LRRC36: variants seen among roughly 807,000 people sequenced by gnomAD.
LRRC36 encodes leucine-rich repeat-containing protein 36.
Under a neutral mutation model 81.1 loss-of-function variants are expected in LRRC36, and 62 were observed. That is an observed-to-expected ratio of 0.76 (90% CI 0.62 to 0.94). The LOEUF (loss-of-function observed/expected upper bound fraction) is 0.94, where lower values mean the gene tolerates loss of function less well. Among genes scored for constraint, LRRC36 ranks in the 40% least tolerant of loss-of-function variants. The probability of loss-of-function intolerance (pLI) is 0.00; values close to 1 mark genes in which losing one functional copy is unlikely to be tolerated. For synonymous variants in LRRC36, 334 were observed against 348.6 expected (o/e 0.96, Z 0.47); for missense variants, 761 against 881.7 (o/e 0.86, Z 1.73).
intron 5 of LRRC36, among the ~76,000 whole-genome samples, chr16:67,351,434 T>C (rs2038628129): frequency 6.6e-6 from 1 of 152,050 alleles, no homozygotes; most frequent in Non-Finnish European, 1.5e-5. Context: ...GGGCCGGGCA[T>C]GGTGGCTCAC....
intron 1 of LRRC36, among the ~76,000 whole-genome samples, chr16:67,338,865 ATTTTTTTTTTTT>A (rs71145967): frequency 1.8e-3 from 81 of 45,364 alleles, no homozygotes; most frequent in Non-Finnish European, 2.7e-3. Context: ...TGGAAGCTGA[ATTTTTTTTTTTT>A]TTTTTTTTTT....
At chr16:67,369,236 C>A (rs548970158) in intron 8 of LRRC36, among the ~76,000 whole-genome samples, 2 of 152,022 alleles carry the variant, frequency 1.3e-5, no homozygotes, top group Admixed American at 6.6e-5. Context: ...AGCCCTCCAA[C>A]AATTAGAAGT....
intron 6 of LRRC36, among the ~76,000 whole-genome samples, chr16:67,364,279 A>T (rs937920514): frequency 3.3e-5 from 5 of 152,250 alleles, no homozygotes; most frequent in African/African-American, 1.2e-4. Flanking sequence ...GACAGAAGGG[A>T]TGCAACCATT....
rs1165368416 is a variant in LRRC36, at chr16:67,379,514, C to G, written c.1930+802C>G. ...GGCGGATCACTTGAGCTCAGGAGTT[C>G]AAGACCAGCCTGGCCAACATGGTGA... On this transcript the variant is annotated intron_variant, in intron 12 of 13. Transcript: ENST00000329956. Among the ~76,000 whole-genome samples, 5 of 152,242 alleles carry G rather than the reference C, an allele frequency of 3.3e-5. No individual in the cohort carries two copies. In the East Asian group the frequency reaches 9.7e-4, roughly 29 times the overall value.
intron 9 of LRRC36, 108 bp from the exon 10 acceptor site, chr16:67,375,139 A>T (rs545937024): frequency 5.4e-4 from 244 of 448,838 alleles, no homozygotes; most frequent in South Asian, 7.7e-4. Context: ...AAAAAAAATT[A>T]AAAAAAAAAA....
At chr16:67,379,576 G>A (rs1053023195) in intron 12 of LRRC36, among the ~76,000 whole-genome samples, 6 of 152,068 alleles carry the variant, frequency 3.9e-5, no homozygotes, top group Admixed American at 6.6e-5. Flanking sequence ...AATTAGCTGC[G>A]CGTGGTGGCA....
chr16:67,363,413 G>A (rs1338281020), intron 5 of LRRC36, among the ~76,000 whole-genome samples, 177 bp from the exon 6 acceptor site: 2 of 152,160 alleles, frequency 1.3e-5, no homozygotes, highest in African/African-American at 4.8e-5. Context: ...TTTTCCAAAC[G>A]AAGTGAGAGA....
At chr16:67,377,542 A>C (rs2039949044) in intron 11 of LRRC36, among the ~76,000 whole-genome samples, 1 of 148,540 alleles carries the variant, frequency 6.7e-6, no homozygotes, top group South Asian at 2.1e-4. Flanking sequence ...ATGTTGGCCG[A>C]GGTGGTCTCA....
chr16:67,368,659 T>A (rs1235036654), intron 8 of LRRC36, among the ~76,000 whole-genome samples: 1 of 152,208 alleles, frequency 6.6e-6, no homozygotes, highest in East Asian at 1.9e-4. Flanking sequence ...AAGGGAGTGA[T>A]GTGATCTCAC....
At chr16:67,381,444 G>A (rs1299244510) in intron 12 of LRRC36, among the ~76,000 whole-genome samples, 2 of 152,052 alleles carry the variant, frequency 1.3e-5, no homozygotes, top group Non-Finnish European at 2.9e-5. Flanking sequence ...CACATACTAC[G>A]TAGGGAGTGA....
chr16:67,359,587 A>G (rs893471942), intron 5 of LRRC36, among the ~76,000 whole-genome samples: 1 of 152,228 alleles, frequency 6.6e-6, no homozygotes, highest in Admixed American at 6.5e-5. Flanking sequence ...ACTAAAAAAC[A>G]CTGAATTGTA....
At chr16:67,357,551 C>T (rs549157499) in intron 5 of LRRC36, among the ~76,000 whole-genome samples, 1 of 152,212 alleles carries the variant, frequency 6.6e-6, no homozygotes, top group African/African-American at 2.4e-5. Context: ...AGAGAGAGAG[C>T]TCTAGAGTAA....
intron 8 of LRRC36, among the ~76,000 whole-genome samples, chr16:67,367,840 C>A (rs534767418): frequency 6.6e-6 from 1 of 152,198 alleles, no homozygotes; most frequent in African/African-American, 2.4e-5. Context: ...ATCACGAGGT[C>A]AGGAGTTCGA....
At chr16:67,370,856 AC>A (rs1164180876) in intron 8 of LRRC36, 87 bp from the exon 9 acceptor site, 2 of 1,070,082 alleles carry the variant, frequency 1.9e-6, no homozygotes, top group African/African-American at 1.6e-5. Context: ...GGTTATTATG[AC>A]CCTTGGACTA....
At chr16:67,368,745 A>G (rs906442759) in intron 8 of LRRC36, among the ~76,000 whole-genome samples, 7 of 152,150 alleles carry the variant, frequency 4.6e-5, no homozygotes, top group Non-Finnish European at 8.8e-5. Context: ...AATGCTTTGG[A>G]GAGATTGGAA....
At chr16:67,335,077 T>C (rs1025704229) in intron 1 of LRRC36, among the ~76,000 whole-genome samples, 1 of 152,148 alleles carries the variant, frequency 6.6e-6, no homozygotes, top group Admixed American at 6.5e-5. Flanking sequence ...CAGGCACGCA[T>C]TGTCATTGAT....
chr16:67,378,807 T>G, intron 12 of LRRC36, 95 bp downstream of exon 12: 1 of 1,353,050 alleles, frequency 7.4e-7, no homozygotes, highest in Non-Finnish European at 1.0e-6. Context: ...CTAGCTCACG[T>G]GGCTGCCTTT....
At chr16:67,359,176 A>AT (rs1393104318) in intron 5 of LRRC36, among the ~76,000 whole-genome samples, 4 of 152,198 alleles carry the variant, frequency 2.6e-5, no homozygotes, top group Non-Finnish European at 5.9e-5. Context: ...CTAGGTATAT[A>AT]TACCTAAGAG....
chr16:67,348,254 T>C (rs1387886786), intron 4 of LRRC36, among the ~76,000 whole-genome samples: 2 of 152,202 alleles, frequency 1.3e-5, no homozygotes, highest in Admixed American at 6.5e-5. Context: ...GAGAGTTAAC[T>C]ATTAGTAATG....
Sources: allele counts gnomAD v4.1 joint callset (sites outside exome capture counted in the v4.1 genomes callset), GRCh38; gene constraint gnomAD v4.1.1; transcripts MANE v1.5; gene names NCBI Gene and HGNC (gene_info 2026-07-23, HGNC 2026-07-21).